The following ARMC10 variants were observed in gnomAD, a reference collection of about 807,000 sequenced individuals.
ARMC10 encodes the protein armadillo repeat containing 10.
A neutral mutation model predicts 30.2 loss-of-function variants in ARMC10; 23 were observed. The observed-to-expected ratio is 0.76, with a 90% CI of 0.55 to 1.08. The LOEUF is 1.08. Ranked by LOEUF, ARMC10 falls within the 50% of genes least tolerant of loss-of-function variation. The probability of loss-of-function intolerance (pLI) is 0.00; values close to 1 mark genes in which losing one functional copy is unlikely to be tolerated. For missense variants in ARMC10, 303 were observed against 413.7 expected, an observed-to-expected ratio of 0.73 and a Z score of 2.32; for synonymous variants, 111 against 164.4, an observed-to-expected ratio of 0.68 and a Z score of 2.48.
At chr7:103,091,392 C>A (rs983652922) in intron 4 of ARMC10, among the ~76,000 whole-genome samples, 1 of 152,188 alleles carries the variant, frequency 6.6e-6, no homozygotes, top group Non-Finnish European at 1.5e-5. Flanking sequence ...AAGTTTCCAT[C>A]ACACTGAGTT....
chr7:103,097,200 T>C (rs1801826746), intron 5 of ARMC10, 77 bp from the exon 6 acceptor site: 1 of 1,203,330 alleles, frequency 8.3e-7, no homozygotes, highest in Admixed American at 1.7e-5. Context: ...CAGGAAGACA[T>C]GGTGAGAGAA....
rs1055964607 is a variant in ARMC10, at chr7:103,095,828, G to C, written c.706-1449G>C. 48 of 151,154 alleles carry C rather than the reference G, an allele frequency of 3.2e-4. 1 individual carries two copies. Among genetic ancestry groups the C allele is most frequent in the African/African-American group, 1.2e-3 (48 of 41,142 alleles). The allele number at this position is 151,154 out of a possible 1,614,324, so 9.4% of individuals were successfully genotyped here. A position where few individuals can be genotyped will look rare whatever the true frequency, so the allele number is the denominator to read the frequency against. On this transcript the variant is annotated intron_variant, in intron 5 of 6. Coordinates refer to ENST00000323716, the MANE Select transcript of ARMC10 (RefSeq NM_031905.5). ...AAATCATCATTCTCAGTAAACTATCGCAAGAACAAAAAACCAAACACTGTA... is the reference window on the plus strand; with the variant it reads ...AAATCATCATTCTCAGTAAACTATCCCAAGAACAAAAAACCAAACACTGTA...
intron 5 of ARMC10, among the ~76,000 whole-genome samples, chr7:103,093,719 C>T (rs1801541480): frequency 6.6e-6 from 1 of 152,168 alleles, no homozygotes; most frequent in African/African-American, 2.4e-5. Flanking sequence ...AGAAATCTCT[C>T]CTCTGCCTGA....
chr7:103,094,814 A>C (rs1801630087), intron 5 of ARMC10, among the ~76,000 whole-genome samples: 2 of 152,334 alleles, frequency 1.3e-5, no homozygotes, highest in South Asian at 2.1e-4. Context: ...TCTTTGAAAA[A>C]GACAATCTCT....
chr7:103,086,772 G>T lies in ARMC10; in HGVS notation c.528+8G>T, dbSNP rs772018261. The T allele has an allele frequency of 3.2e-6, 5 of 1,587,220 alleles. No homozygotes were observed. The Admixed American group carries it at 7.7e-5, about 24-fold the overall frequency. ...AATCAAATCAAGATAAAGGTAAGTT[G>T]ACTGAAAATCACAAATGTATAAGGT... On this transcript the variant is annotated splice_region_variant and intron_variant, in intron 4 of 6. Transcript: ENST00000323716.
At chr7:103,087,596 G>A (rs2129522961) in intron 4 of ARMC10, among the ~76,000 whole-genome samples, 1 of 152,268 alleles carries the variant, frequency 6.6e-6, no homozygotes, top group South Asian at 2.1e-4. Flanking sequence ...ACTAGAAATT[G>A]TCATTCAACA....
chr7:103,082,333 G>T (rs1055872745), intron 2 of ARMC10, among the ~76,000 whole-genome samples: 11 of 150,304 alleles, frequency 7.3e-5, no homozygotes, highest in African/African-American at 2.5e-4. Flanking sequence ...TTATTTTTGT[G>T]TGTGTGTGTG....
chr7:103,087,806 C>T (rs550102346), intron 4 of ARMC10: 57 of 984,432 alleles, frequency 5.8e-5, no homozygotes, highest in Middle Eastern at 1.0e-3. Flanking sequence ...AGGAGCTATG[C>T]AGAAGTGATG....
At chr7:103,082,423 C>A (rs1030579492) in intron 2 of ARMC10, among the ~76,000 whole-genome samples, 1 of 147,156 alleles carries the variant, frequency 6.8e-6, no homozygotes, top group Non-Finnish European at 1.5e-5. Context: ...AAAAAAAGTA[C>A]TGTTGAGTAC....
chr7:103,086,190 T>A (rs1404790176), intron 3 of ARMC10, among the ~76,000 whole-genome samples: 1 of 152,212 alleles, frequency 6.6e-6, no homozygotes, highest in Non-Finnish European at 1.5e-5. Context: ...GAGGGATTAG[T>A]GTTTCAAATA....
chr7:103,095,102 TTTTC>T (rs1049280294), intron 5 of ARMC10, among the ~76,000 whole-genome samples: 40 of 152,124 alleles, frequency 2.6e-4, no homozygotes, highest in African/African-American at 8.7e-4. Context: ...ATACTAAAAC[TTTTC>T]TTTCTCTTTT....
intron 6 of ARMC10, among the ~76,000 whole-genome samples, 161 bp downstream of exon 6, chr7:103,097,509 A>G (rs1431415177): frequency 2.6e-5 from 4 of 152,202 alleles, no homozygotes; most frequent in Non-Finnish European, 5.9e-5. Flanking sequence ...TAAATTTCCT[A>G]AATTTTTTGC....
chr7:103,084,138 CAATG>C (rs1800628317), intron 3 of ARMC10: 1 of 833,906 alleles, frequency 1.2e-6, no homozygotes, highest in South Asian at 1.6e-5. Context: ...TTCAGTAAAA[CAATG>C]AATGCATCTA....
At position 103,075,387 on chromosome 7, in the gene ARMC10, G is replaced by C. The variant is rs759011482; in HGVS notation, c.115G>C (p.Gly39Arg). The C allele has an allele frequency of 1.6e-6, 2 of 1,288,806 alleles. No homozygotes were observed. The highest frequency in any genetic ancestry group is 2.0e-6 in the Non-Finnish European group (2 of 1,015,600). 79.8% of individuals were successfully genotyped at this position (1,288,806 alleles called of 1,614,324 possible). A position where few individuals can be genotyped will look rare whatever the true frequency, so the allele number is the denominator to read the frequency against. The change falls in exon 1 of 7, where the codon GGG becomes CGG. Residue 39 changes from glycine to arginine, a missense_variant. Coordinates refer to ENST00000323716, the MANE Select transcript of ARMC10 (RefSeq NM_031905.5). ...RGRRRGDREL[G>R]IRSSKSAGAL... ...TCGGCGGCGGGGCGACCGCGAGCTC[G>C]GGATACGCTCTTCGAAGTCCGCAGG...
At chr7:103,096,536 TTTG>T (rs1290702098) in intron 5 of ARMC10, 1 of 152,184 alleles carries the variant, frequency 6.6e-6, no homozygotes, top group Non-Finnish European at 1.5e-5. Context: ...GAGAGATTTT[TTTG>T]TTGTTGTTTT....
chr7:103,078,389 C>T (rs1401370906), intron 2 of ARMC10, among the ~76,000 whole-genome samples: 1 of 152,188 alleles, frequency 6.6e-6, no homozygotes, highest in Non-Finnish European at 1.5e-5. Flanking sequence ...CGTGATAGTT[C>T]TCAGGAGATC....
chr7:103,087,592 A>G (rs1402024647), intron 4 of ARMC10, among the ~76,000 whole-genome samples: 2 of 152,222 alleles, frequency 1.3e-5, no homozygotes, highest in Non-Finnish European at 2.9e-5. Flanking sequence ...TCAAACTAGA[A>G]ATTGTCATTC....
chr7:103,097,462 G>A, intron 6 of ARMC10, 114 bp downstream of exon 6: 1 of 647,890 alleles, frequency 1.5e-6, no homozygotes, highest in Non-Finnish European at 2.4e-6. Flanking sequence ...CTGAGGAGCA[G>A]TATTAAAGGT....
Position 103,079,917 on chromosome 7 carries a change from T to C in ARMC10, c.245-3765T>C, listed in dbSNP as rs137935239. Among the ~76,000 whole-genome samples the C allele has an allele frequency of 1.1e-3, 172 of 152,366 alleles. 1 individual carries two copies. The highest frequency in any genetic ancestry group is 4.1e-3 in the African/African-American group (170 of 41,592). ...GCCTAAGACTACATAAACAGGCATA[T>C]TGTGTTCCCAGTTGGAAAGATTCTG... On this transcript the variant is annotated intron_variant, in intron 2 of 6. Transcript: ENST00000323716.
Sources: allele counts gnomAD v4.1 joint callset (sites outside exome capture counted in the v4.1 genomes callset), GRCh38; gene constraint gnomAD v4.1.1; transcripts MANE v1.5; gene names NCBI Gene and HGNC (gene_info 2026-07-23, HGNC 2026-07-21).